NFIX: variants seen among roughly 807,000 people sequenced by gnomAD.
The protein encoded by NFIX is nuclear factor 1 X-type.
Under a neutral mutation model 53.3 loss-of-function variants are expected in NFIX, and 2 were observed. That is an observed-to-expected ratio of 0.04 (90% CI 0.02 to 0.12). The LOEUF (loss-of-function observed/expected upper bound fraction) is 0.12. Among genes scored for constraint, NFIX ranks in the 10% least tolerant of loss-of-function variants. NFIX has a pLI of 1.00. For synonymous variants in NFIX, 244 were observed against 289.0 expected (o/e 0.84, Z 1.58); for missense variants, 310 against 674.5 (o/e 0.46, Z 5.99).
intron 1 of NFIX, among the ~76,000 whole-genome samples, chr19:13,018,587 T>C (rs755407666): frequency 6.6e-6 from 1 of 152,210 alleles, no homozygotes; most frequent in Admixed American, 6.5e-5. Context: ...TCCTGGAGTT[T>C]CCAGACTTTT....
intron 1 of NFIX, among the ~76,000 whole-genome samples, chr19:13,008,103 AC>A (rs2012127872): frequency 6.6e-6 from 1 of 151,948 alleles, no homozygotes; most frequent in African/African-American, 2.4e-5. Flanking sequence ...ACAGGGCACT[AC>A]CCCTCAGCCC....
chr19:13,017,435 G>T (rs2012726616), intron 1 of NFIX, among the ~76,000 whole-genome samples: 1 of 152,206 alleles, frequency 6.6e-6, no homozygotes, highest in African/African-American at 2.4e-5. Context: ...TGAAGCAATT[G>T]CAAGAAAGAG....
intron 6 of NFIX, among the ~76,000 whole-genome samples, chr19:13,076,269 A>G (rs2017095412): frequency 6.6e-6 from 1 of 152,212 alleles, no homozygotes; most frequent in African/African-American, 2.4e-5. Flanking sequence ...AAGAATGAGC[A>G]GAGTCCTTTT....
rs559026199 is a variant in NFIX at position 13,006,201 on chromosome 19, G to A, written c.27+10337G>A. 7.9e-5 allele frequency among the ~76,000 whole-genome samples: 12 copies of A among 152,300 alleles called. No homozygotes were observed. Among genetic ancestry groups the A allele is most frequent in the African/African-American group, 1.4e-4 (6 of 41,574 alleles). On this transcript the variant is annotated intron_variant, in intron 1 of 10. Coordinates refer to ENST00000592199, the MANE Select transcript of NFIX (RefSeq NM_001365902.3). This position sits in a 1 kb window ranked among gnomAD's most constrained non-coding sequence, Gnocchi z 5.6. The stretch of plus-strand genomic sequence containing the variant: ...CCCTCGGGAGTGCTGGGCAGCTGTG[G>A]TTTTAGCAGAGGTGGGCACGGAGAC...
rs2011475894 is a variant in NFIX, at chr19:12,996,594, C to T, written c.27+730C>T. Among the ~76,000 whole-genome samples the T allele has an allele frequency of 6.6e-6, 1 of 152,160 alleles. No individual in the cohort carries two copies. The highest frequency in any genetic ancestry group is 1.5e-5 in the Non-Finnish European group (1 of 68,008). On this transcript the variant is annotated intron_variant, in intron 1 of 10. Transcript: ENST00000592199. This position sits in a 1 kb window ranked among gnomAD's most constrained non-coding sequence, Gnocchi z 5.2. ...CGACCCCGGACGTCGCAGCCTCTGC[C>T]CCCCCACCCCCAAACTTTCCTCGGC...
chr19:13,048,495 T>A (rs111231927), intron 2 of NFIX, among the ~76,000 whole-genome samples: 93 of 151,710 alleles, frequency 6.1e-4, no homozygotes, highest in Admixed American at 1.6e-3. Flanking sequence ...TTTTTTTTTT[T>A]AATTCCCCAT....
intron 8 of NFIX, 74 bp from the exon 9 acceptor site, chr19:13,087,915 G>A (rs980164925): frequency 3.3e-6 from 5 of 1,517,868 alleles, no homozygotes; most frequent in Non-Finnish European, 3.5e-6. Context: ...GAGCGAGCTG[G>A]CGCGGCCGCG....
intron 2 of NFIX, among the ~76,000 whole-genome samples, chr19:13,033,471 C>T (rs975903575): frequency 6.6e-6 from 1 of 152,204 alleles, no homozygotes; most frequent in African/African-American, 2.4e-5. Context: ...TCTTCTCTCA[C>T]TCCTGATGCC....
At chr19:13,084,796 G>A (rs192753817) in intron 8 of NFIX, among the ~76,000 whole-genome samples, 172 of 152,220 alleles carry the variant, frequency 1.1e-3, no homozygotes, top group Non-Finnish European at 2.1e-3. Context: ...CTGGTCGGGC[G>A]CGGTGGCTTA....
At position 13,090,268 on chromosome 19, in the gene NFIX, G is replaced by C; in HGVS notation, c.1403-31G>C. 1 of 1,609,720 alleles carries C rather than the reference G, an allele frequency of 6.2e-7. No homozygotes were observed. Among genetic ancestry groups the C allele is most frequent in the Non-Finnish European group, 8.5e-7 (1 of 1,176,172 alleles). On this transcript the variant is annotated intron_variant, in intron 9 of 10. Coordinates refer to ENST00000592199, the MANE Select transcript of NFIX (RefSeq NM_001365902.3). The surrounding 1 kb of genome is among the most constrained non-coding windows in gnomAD (Gnocchi z 6.6). Reference sequence around the variant, plus strand: ...CCAGGTGGGCCCCAAGGCCTGACAGGGTCTCTCCCTCTCTCCCCTGCTCCC... The same window carrying C: ...CCAGGTGGGCCCCAAGGCCTGACAGCGTCTCTCCCTCTCTCCCCTGCTCCC...
rs2011443636 is a variant in NFIX, at chr19:12,995,815, C to A, written c.-23C>A. 3.0e-6 allele frequency: 3 copies of A among 992,180 alleles called. No individual in the cohort carries two copies. Among genetic ancestry groups the A allele is most frequent in the African/African-American group, 1.8e-5 (1 of 56,190 alleles). The allele number at this position is 992,180 out of a possible 1,614,324, so 61.5% of individuals were successfully genotyped here. ...CTCCCCTCGCCGCGGCCGGCCGCCG[C>A]GCTCCCGCCCGGGCGCCCAGCTATG... On this transcript the variant is annotated 5_prime_UTR_variant, in exon 1 of 11. Transcript: ENST00000592199.
chr19:13,059,244 T>C (rs2015904109), intron 2 of NFIX, among the ~76,000 whole-genome samples: 1 of 152,154 alleles, frequency 6.6e-6, no homozygotes, highest in Non-Finnish European at 1.5e-5. Flanking sequence ...GATGGTTCAG[T>C]CTCCCTGTAA....
rs767284731 is a variant in NFIX at position 13,001,657 on chromosome 19, C to T, written c.27+5793C>T. 5.3e-5 allele frequency among the ~76,000 whole-genome samples: 8 copies of T among 152,166 alleles called. No individual in the cohort carries two copies. Among genetic ancestry groups the T allele is most frequent in the Non-Finnish European group, 1.0e-4 (7 of 68,022 alleles). On this transcript the variant is annotated intron_variant, in intron 1 of 10. Transcript: ENST00000592199. The surrounding 1 kb of genome is among the most constrained non-coding windows in gnomAD (Gnocchi z 6.5). ...GTCCGTGTCAACTTGTGTCCACATACGTGTCAACGCACGTGTCTCCAGTGT... is the reference window on the plus strand; with the variant it reads ...GTCCGTGTCAACTTGTGTCCACATATGTGTCAACGCACGTGTCTCCAGTGT...
intron 5 of NFIX, among the ~76,000 whole-genome samples, chr19:13,074,709 T>C (rs1599846285): frequency 6.6e-6 from 1 of 151,260 alleles, no homozygotes; most frequent in Non-Finnish European, 1.5e-5. Context: ...CTCCACTTTT[T>C]TTTTTTTTTT....
chr19:13,087,082 G>A (rs1175716234), intron 8 of NFIX, among the ~76,000 whole-genome samples: 1 of 152,214 alleles, frequency 6.6e-6, no homozygotes, highest in African/African-American at 2.4e-5. Flanking sequence ...CAGAGCAGCA[G>A]GAGGTGTGTG....
chr19:13,086,591 G>GC (rs550900952), intron 8 of NFIX, among the ~76,000 whole-genome samples: 7 of 152,176 alleles, frequency 4.6e-5, no homozygotes, highest in Non-Finnish European at 1.0e-4. Flanking sequence ...ATGTCGAGGA[G>GC]CATCCTGGCC....
In NFIX at chr19:13,014,225, G is replaced by A. The variant is rs926716767; in HGVS notation, c.28-10796G>A. 2 of 152,010 alleles carry A rather than the reference G, an allele frequency of 1.3e-5. No individual in the cohort carries two copies. The highest frequency in any genetic ancestry group is 4.8e-5 in the African/African-American group (2 of 41,388). The allele number at this position is 152,010 out of a possible 1,614,324, so 9.4% of individuals were successfully genotyped here. A position where few individuals can be genotyped will look rare whatever the true frequency, so the allele number is the denominator to read the frequency against. On this transcript the variant is annotated intron_variant, in intron 1 of 10. Transcript: ENST00000592199. This position sits in a 1 kb window ranked among gnomAD's most constrained non-coding sequence, Gnocchi z 4.4. ...TCTCACCCGCCGTTCCCTCCGCTCC[G>A]GTCTGATTCGCAAATCCCCAAACTG...
intron 6 of NFIX, among the ~76,000 whole-genome samples, chr19:13,076,452 G>A (rs2017107769): frequency 6.6e-6 from 1 of 152,188 alleles, no homozygotes; most frequent in African/African-American, 2.4e-5. Context: ...CATGTAACAC[G>A]TGCGTGTGTG....
At chr19:13,023,958 G>T in intron 1 of NFIX, 4 of 205,884 alleles carry the variant, frequency 1.9e-5, no homozygotes, top group Middle Eastern at 1.6e-3. Flanking sequence ...CCCCCCACCC[G>T]CCCCCAACTC....
Sources: gnomAD v4.1 joint callset for allele counts (sites outside exome capture counted in the v4.1 genomes callset) on GRCh38, gnomAD v4.1.1 for gene constraint, Gnocchi (gnomAD v3.1) non-coding constraint, MANE v1.5 for transcripts, NCBI Gene and HGNC (gene_info 2026-07-23, HGNC 2026-07-21) for gene names.